Variants in XRCC2 observed in about 807,000 individuals in gnomAD.
The protein encoded by XRCC2 is X-ray repair cross complementing 2.
Under a neutral mutation model 27.3 loss-of-function variants are expected in XRCC2, and 24 were observed. That is an observed-to-expected ratio of 0.88 (90% CI 0.64 to 1.24). The LOEUF is 1.24. XRCC2 is among the 50% of genes most tolerant of loss of function. The pLI, the probability that XRCC2 is intolerant of heterozygous loss-of-function variation, is 0.00. For missense variants in XRCC2, 321 were observed against 325.8 expected (o/e 0.99, Z 0.11); for synonymous variants, 106 against 115.4 (o/e 0.92, Z 0.52).
chr7:152,668,533 G>T (rs2098036878), intron 1 of XRCC2, among the ~76,000 whole-genome samples: 1 of 143,732 alleles, frequency 7.0e-6, no homozygotes, highest in African/African-American at 2.6e-5. Context: ...TTTGTTAAGT[G>T]TCCAGGGTAA....
chr7:152,673,767 T>A (rs2098039185), intron 1 of XRCC2, among the ~76,000 whole-genome samples: 1 of 151,970 alleles, frequency 6.6e-6, no homozygotes, highest in Non-Finnish European at 1.5e-5. Context: ...TCCCAGCTAC[T>A]CGGGAGGCTG....
intron 2 of XRCC2, among the ~76,000 whole-genome samples, chr7:152,657,041 A>C (rs188186980): frequency 4.6e-5 from 7 of 152,122 alleles, no homozygotes; most frequent in Non-Finnish European, 7.4e-5. Context: ...GTTCAAGAGC[A>C]GCCTGGCCAA....
At chr7:152,652,406 G>A (rs1482442256) in intron 2 of XRCC2, among the ~76,000 whole-genome samples, 1 of 151,964 alleles carries the variant, frequency 6.6e-6, no homozygotes, top group East Asian at 1.9e-4. Context: ...GCGCAGACGG[G>A]GAAACCAAGA....
At chr7:152,658,277 A>T (rs2098031587) in intron 2 of XRCC2, among the ~76,000 whole-genome samples, 1 of 151,766 alleles carries the variant, frequency 6.6e-6, no homozygotes, top group Non-Finnish European at 1.5e-5. Context: ...CAGCCTCCCG[A>T]GTAGCTGGGA....
At chr7:152,651,229 C>T (rs1336667222) in intron 2 of XRCC2, among the ~76,000 whole-genome samples, 8 of 152,054 alleles carry the variant, frequency 5.3e-5, no homozygotes, top group Admixed American at 3.9e-4. Flanking sequence ...TGTGAACCAC[C>T]GCACCTGGCC....
chr7:152,658,817 C>CATCA, intron 2 of XRCC2, among the ~76,000 whole-genome samples: 1 of 152,338 alleles, frequency 6.6e-6, no homozygotes, highest in South Asian at 2.1e-4. Flanking sequence ...ATTTTGTATA[C>CATCA]ACCACTCAAC....
At chr7:152,670,860 G>A (rs2098037879) in intron 1 of XRCC2, among the ~76,000 whole-genome samples, 1 of 152,100 alleles carries the variant, frequency 6.6e-6, no homozygotes, top group Non-Finnish European at 1.5e-5. Context: ...CAAAGTGCTG[G>A]GATTACAGGT....
In XRCC2 at chr7:152,648,632, A is replaced by C; in HGVS notation, c.*10T>G. The C allele has an allele frequency of 6.3e-7, 1 of 1,579,128 alleles. No homozygotes were observed. The highest frequency in any genetic ancestry group is 2.2e-5 in the East Asian group (1 of 44,752). On this transcript the variant is annotated 3_prime_UTR_variant, in exon 3 of 3. Transcript: ENST00000359321. ...GTAGTACCCTGCAAAAGACTATTTT[A>C]TGATGTATATCAACAAAATTCAACC...
intron 1 of XRCC2, among the ~76,000 whole-genome samples, chr7:152,671,460 A>G (rs2098038141): frequency 6.6e-6 from 1 of 152,210 alleles, no homozygotes; most frequent in African/African-American, 2.4e-5. Flanking sequence ...AAAGAGGTAA[A>G]AGGTATTCTG....
chr7:152,672,251 A>T (rs1253980444), intron 1 of XRCC2, among the ~76,000 whole-genome samples: 1 of 152,178 alleles, frequency 6.6e-6, no homozygotes, highest in Non-Finnish European at 1.5e-5. Context: ...TCTGGGTAAA[A>T]GGGAAGCAAA....
At chr7:152,653,119 G>A (rs1477409492) in intron 2 of XRCC2, among the ~76,000 whole-genome samples, 2 of 152,130 alleles carry the variant, frequency 1.3e-5, no homozygotes, top group Admixed American at 1.3e-4. Context: ...TTGAATCATG[G>A]GGGCGGGTCT....
At chr7:152,653,522 T>G (rs556337243) in intron 2 of XRCC2, among the ~76,000 whole-genome samples, 9 of 152,206 alleles carry the variant, frequency 5.9e-5, no homozygotes, top group South Asian at 2.1e-4. Context: ...TGTAGTGGCG[T>G]GACCTCAGCT....
intron 1 of XRCC2, among the ~76,000 whole-genome samples, chr7:152,670,037 C>A (rs938667206): frequency 6.6e-6 from 1 of 151,768 alleles, no homozygotes; most frequent in Non-Finnish European, 1.5e-5. Flanking sequence ...TTCTAATCTG[C>A]GTGAGAGTGA....
chr7:152,662,164 C>T (rs2098033390), intron 1 of XRCC2, among the ~76,000 whole-genome samples: 1 of 152,024 alleles, frequency 6.6e-6, no homozygotes, highest in South Asian at 2.1e-4. Context: ...AAGGTTTCAC[C>T]ATGTTGGGGC....
chr7:152,648,607 G>A lies in XRCC2; in HGVS notation c.*35C>T, dbSNP rs140280051. ...TCTTAAGAAAAATTTTAAGGCTTGC[G>A]TAGTACCCTGCAAAAGACTATTTTA... is the stretch of plus-strand genomic sequence containing the variant. On this transcript the variant is annotated 3_prime_UTR_variant, in exon 3 of 3. Coordinates refer to ENST00000359321, the MANE Select transcript of XRCC2 (RefSeq NM_005431.2). The A allele has an allele frequency of 1.2e-4, 184 of 1,549,168 alleles. No individual in the cohort carries two copies. The Middle Eastern group carries it at 2.1e-3, about 18-fold the overall frequency.
At chr7:152,672,007 G>C (rs1260215866) in intron 1 of XRCC2, among the ~76,000 whole-genome samples, 3 of 152,124 alleles carry the variant, frequency 2.0e-5, no homozygotes, top group Non-Finnish European at 2.9e-5. Flanking sequence ...TGCCACTGCT[G>C]TCCAGCCTGG....
rs1015981142 is a variant in XRCC2, at chr7:152,646,836, T to A, written c.*1806A>T. The A allele has an allele frequency of 1.3e-5, 2 of 152,236 alleles. No homozygotes were observed. The highest frequency in any genetic ancestry group is 6.5e-5 in the Admixed American group (1 of 15,278). 9.4% of individuals were successfully genotyped at this position (152,236 alleles called of 1,614,324 possible). ...CTGGTGTGTATGTACCACATTTTTT[T>A]AATCCAGTCTGTCACTGATGGGCAG... is the stretch of plus-strand genomic sequence containing the variant. On this transcript the variant is annotated 3_prime_UTR_variant, in exon 3 of 3. Coordinates refer to ENST00000359321, the MANE Select transcript of XRCC2 (RefSeq NM_005431.2).
At chr7:152,668,814 G>C (rs1050667126) in intron 1 of XRCC2, among the ~76,000 whole-genome samples, 1 of 152,116 alleles carries the variant, frequency 6.6e-6, no homozygotes, top group African/African-American at 2.4e-5. Flanking sequence ...TTCTATTATC[G>C]TAACAATAGC....
At chr7:152,663,368 A>G (rs891613403) in intron 1 of XRCC2, among the ~76,000 whole-genome samples, 9 of 139,656 alleles carry the variant, frequency 6.4e-5, no homozygotes, top group African/African-American at 2.1e-4. Context: ...AAAAAAAAAA[A>G]AAAAAGACTG....
Sources: allele counts gnomAD v4.1 joint callset (sites outside exome capture counted in the v4.1 genomes callset), GRCh38; gene constraint gnomAD v4.1.1; transcripts MANE v1.5; gene names NCBI Gene and HGNC (gene_info 2026-07-23, HGNC 2026-07-21).